NKAIN3: variants seen among roughly 807,000 people sequenced by gnomAD.
The protein encoded by NKAIN3 is sodium/potassium transporting ATPase interacting 3.
A neutral mutation model predicts 30.2 loss-of-function variants in NKAIN3; 25 were observed. The observed-to-expected ratio is 0.83, with a 90% confidence interval of 0.60 to 1.16. NKAIN3 has a LOEUF of 1.16. NKAIN3 is among the 50% of genes most tolerant of loss of function. The pLI, the probability that NKAIN3 is intolerant of heterozygous loss-of-function variation, is 0.00. For missense variants in NKAIN3, 225 were observed against 254.1 expected (o/e 0.89, Z 0.78); for synonymous variants, 91 against 89.6 (o/e 1.02, Z -0.09).
At chr8:62,676,742 C>G (rs931229409) in intron 3 of NKAIN3, among the ~76,000 whole-genome samples, 1 of 140,594 alleles carries the variant, frequency 7.1e-6, no homozygotes, top group Non-Finnish European at 1.5e-5. Context: ...GAGAAAGGGT[C>G]TTGCTCTGTC....
At chr8:62,537,384 T>C (rs574338019) in intron 1 of NKAIN3, among the ~76,000 whole-genome samples, 1 of 152,158 alleles carries the variant, frequency 6.6e-6, no homozygotes, top group Non-Finnish European at 1.5e-5. Context: ...CATAATATTC[T>C]TTCTACTTAA....
At position 62,274,492 on chromosome 8, in the gene NKAIN3, T is replaced by A. The variant is rs994636715; in HGVS notation, c.54+25365T>A. 9.2e-5 allele frequency among the ~76,000 whole-genome samples: 14 copies of A among 152,284 alleles called. No individual in the cohort carries two copies. The South Asian group carries it at 2.3e-3, about 25-fold the overall frequency. On this transcript the variant is annotated intron_variant, in intron 1 of 6. Coordinates refer to ENST00000623646, the MANE Select transcript of NKAIN3 (RefSeq NM_001304533.3). Reference sequence around the variant, plus strand: ...CTAAGGCGTTGGGGAAGGTCTCTGGTTGCTTTACATTTTCTTGATTTTTTT... The same window carrying A: ...CTAAGGCGTTGGGGAAGGTCTCTGGATGCTTTACATTTTCTTGATTTTTTT...
chr8:62,512,112 A>T (rs1008809711), intron 1 of NKAIN3, among the ~76,000 whole-genome samples: 3 of 152,116 alleles, frequency 2.0e-5, no homozygotes, highest in African/African-American at 7.2e-5. Flanking sequence ...ATACCATGAA[A>T]TTCTGGGAAA....
In NKAIN3 at chr8:62,506,318, A is replaced by G. The variant is rs377593241; in HGVS notation, c.55-73221A>G. On this transcript the variant is annotated intron_variant, in intron 1 of 6. Coordinates refer to ENST00000623646, the MANE Select transcript of NKAIN3 (RefSeq NM_001304533.3). ...CTACGAATTCCAAAGTGCCATTTCA[A>G]AGAAGCAAATTGCAGGATGTAATTC... 1.4e-4 allele frequency among the ~76,000 whole-genome samples: 21 copies of G among 151,996 alleles called. 1 individual carries two copies. In the South Asian group the frequency reaches 3.3e-3, roughly 24 times the overall value.
intron 1 of NKAIN3, among the ~76,000 whole-genome samples, chr8:62,370,131 T>C (rs1448835817): frequency 6.6e-6 from 1 of 152,024 alleles, no homozygotes; most frequent in Non-Finnish European, 1.5e-5. Context: ...AGTGTCAAAT[T>C]ATTGAACTCA....
At chr8:62,883,722 G>T (rs1161870471) in intron 4 of NKAIN3, among the ~76,000 whole-genome samples, 1 of 151,596 alleles carries the variant, frequency 6.6e-6, no homozygotes, top group Non-Finnish European at 1.5e-5. Flanking sequence ...AGTTGATTTT[G>T]TTTCCAAGTT....
chr8:62,890,433 C>A (rs936342202), intron 4 of NKAIN3, among the ~76,000 whole-genome samples: 1 of 152,222 alleles, frequency 6.6e-6, no homozygotes, highest in Non-Finnish European at 1.5e-5. Flanking sequence ...GGATGCAGGT[C>A]ACAATTCTCT....
At chr8:62,632,034 G>T (rs565183487) in intron 3 of NKAIN3, among the ~76,000 whole-genome samples, 2 of 152,208 alleles carry the variant, frequency 1.3e-5, no homozygotes, top group South Asian at 4.1e-4. Flanking sequence ...ACATGCACCA[G>T]TGCCCCTTGT....
chr8:62,433,104 A>C (rs1805066191), intron 1 of NKAIN3, among the ~76,000 whole-genome samples: 1 of 152,202 alleles, frequency 6.6e-6, no homozygotes. Flanking sequence ...ACTTTTAAAA[A>C]TGATTTAAAT....
chr8:62,286,935 A>G (rs1286863043), intron 1 of NKAIN3, among the ~76,000 whole-genome samples: 1 of 151,046 alleles, frequency 6.6e-6, no homozygotes, highest in Admixed American at 6.6e-5. Flanking sequence ...CTATTTCTAC[A>G]CTCTTTGCAG....
At chr8:62,527,882 G>GGTGTGGGTGT (rs1808355949) in intron 1 of NKAIN3, among the ~76,000 whole-genome samples, 2 of 143,798 alleles carry the variant, frequency 1.4e-5, no homozygotes, top group South Asian at 4.5e-4. Flanking sequence ...ACTTTTTTTT[G>GGTGTGGGTGT]GTGTGTGTGT....
intron 4 of NKAIN3, among the ~76,000 whole-genome samples, chr8:62,867,736 C>T (rs979152431): frequency 2.0e-5 from 3 of 152,182 alleles, no homozygotes; most frequent in African/African-American, 7.2e-5. Context: ...ATCCAATAGC[C>T]TAGCGTTTAA....
At chr8:62,898,751 C>A (rs1360380638) in intron 4 of NKAIN3, among the ~76,000 whole-genome samples, 1 of 152,008 alleles carries the variant, frequency 6.6e-6, no homozygotes, top group Non-Finnish European at 1.5e-5. Flanking sequence ...AAGTTAAAAA[C>A]CTTCTCCATA....
rs540813172 is a variant in NKAIN3, at chr8:62,253,821, T to A, written c.54+4694T>A. Among the ~76,000 whole-genome samples, 7 of 152,358 alleles carry A rather than the reference T, an allele frequency of 4.6e-5. No homozygotes were observed. In the South Asian group the frequency reaches 1.4e-3, roughly 32 times the overall value. ...AGCTCTATGAAAGGTGCAGCTCACC[T>A]GTCGTAGATATTGGACAGCGAATGC... On this transcript the variant is annotated intron_variant, in intron 1 of 6. Coordinates refer to ENST00000623646, the MANE Select transcript of NKAIN3 (RefSeq NM_001304533.3).
chr8:62,534,563 T>G (rs1808593853), intron 1 of NKAIN3, among the ~76,000 whole-genome samples: 1 of 152,178 alleles, frequency 6.6e-6, no homozygotes, highest in South Asian at 2.1e-4. Context: ...TGTTTCTTAT[T>G]GAAAACATAA....
intron 1 of NKAIN3, among the ~76,000 whole-genome samples, chr8:62,396,626 T>C (rs1036747302): frequency 1.3e-5 from 2 of 152,216 alleles, no homozygotes; most frequent in Non-Finnish European, 2.9e-5. Flanking sequence ...ATGTGTGTGT[T>C]AACTTTCTAC....
chr8:62,926,102 G>T (rs916798115), intron 5 of NKAIN3, among the ~76,000 whole-genome samples: 1 of 152,060 alleles, frequency 6.6e-6, no homozygotes, highest in African/African-American at 2.4e-5. Context: ...ATGCAGATGT[G>T]ATAATGAGGG....
At chr8:62,682,342 C>A (rs778039542) in intron 3 of NKAIN3, among the ~76,000 whole-genome samples, 27 of 152,168 alleles carry the variant, frequency 1.8e-4, no homozygotes, top group Middle Eastern at 3.4e-3. Flanking sequence ...CTCTCTCAGT[C>A]CCCAGGGAAG....
chr8:62,938,841 G>A (rs1435337233), intron 5 of NKAIN3, among the ~76,000 whole-genome samples: 1 of 152,082 alleles, frequency 6.6e-6, no homozygotes, highest in Non-Finnish European at 1.5e-5. Flanking sequence ...ACAAAACAAG[G>A]TTCTTTAACA....
Sources: gnomAD v4.1 joint callset for allele counts (sites outside exome capture counted in the v4.1 genomes callset) on GRCh38, gnomAD v4.1.1 for gene constraint, MANE v1.5 for transcripts, NCBI Gene and HGNC (gene_info 2026-07-23, HGNC 2026-07-21) for gene names.